HORMAD2: variants seen among roughly 807,000 people sequenced by gnomAD.
HORMAD2 encodes HORMA domain containing 2, also known as HORMA domain-containing protein 2.
HORMAD2 carries 45 observed loss-of-function variants against 38.8 expected under a neutral mutation model. The observed-to-expected ratio is 1.16, with a 90% CI of 0.91 to 1.49. HORMAD2 has a LOEUF of 1.49. Ranked by LOEUF, HORMAD2 falls within the 40% of genes most tolerant of loss-of-function variation. The pLI, the probability that HORMAD2 is intolerant of heterozygous loss-of-function variation, is 0.00. For missense variants in HORMAD2, 338 were observed against 367.0 expected, an observed-to-expected ratio of 0.92 and a Z score of 0.65; for synonymous variants, 126 against 122.8, an observed-to-expected ratio of 1.03 and a Z score of -0.17.
intron 10 of HORMAD2, among the ~76,000 whole-genome samples, chr22:30,174,692 T>G (rs113456114): frequency 1.3e-5 from 2 of 152,170 alleles, no homozygotes; most frequent in South Asian, 2.1e-4. Flanking sequence ...CCAGATTTGA[T>G]AGAAGTGAGG....
At position 30,096,332 on chromosome 22, in the gene HORMAD2, T is replaced by G. The variant is rs563917686; in HGVS notation, c.51+2329T>G. 8.5e-5 allele frequency among the ~76,000 whole-genome samples: 13 copies of G among 152,324 alleles called. 1 individual carries two copies. In the South Asian group the frequency reaches 2.7e-3, roughly 32 times the overall value. On this transcript the variant is annotated intron_variant, in intron 2 of 10. Transcript: ENST00000336726. ...ATATAAGTCATAGGATATGTGTATATTTAGCTTTATTATATACTGCCAAGC... is the reference window on the plus strand; with the variant it reads ...ATATAAGTCATAGGATATGTGTATAGTTAGCTTTATTATATACTGCCAAGC...
chr22:30,201,637 C>T, the HORMAD2 span, among the ~76,000 whole-genome samples: 6 of 151,964 alleles, frequency 3.9e-5, 1 homozygote, highest in African/African-American at 1.2e-4. Context: ...AGGATGGTCT[C>T]GATCTCCTGA....
chr22:30,103,593 A>G, intron 4 of HORMAD2, 93 bp downstream of exon 4: 1 of 590,622 alleles, frequency 1.7e-6, no homozygotes, highest in Non-Finnish European at 3.0e-6. Context: ...ATCATTTTTT[A>G]AAAAACCATT....
chr22:30,122,113 A>G lies in HORMAD2; in HGVS notation c.718A>G (p.Lys240Glu). ...MKVKVMTEATKVIDLENNLFR... is the reference protein window; with the variant it reads ...MKVKVMTEATEVIDLENNLFR... ...AGTAAAAGTCATGACAGAGGCTACA[A>G]AAGTGATTGATTTGGAGAACAATCT... Residue 240 changes from lysine (K) to glutamate (E), a missense_variant, in exon 10 of 11, where the codon AAA becomes GAA. By Grantham distance (56) the Lys-to-Glu change is moderately conservative. Transcript: ENST00000336726. The G allele has an allele frequency of 6.2e-7, 1 of 1,613,822 alleles. No individual in the cohort carries two copies. The highest frequency in any genetic ancestry group is 8.5e-7 in the Non-Finnish European group (1 of 1,179,810).
Position 30,136,999 on chromosome 22 carries a change from T to C in HORMAD2, c.819+14785T>C, listed in dbSNP as rs142359642. ...ATTTGGCAGACCTGTTAGTGTCAAT[T>C]GTAAGAAGTCTTCCATGTGTAATTG... On this transcript the variant is annotated intron_variant, in intron 10 of 10. Transcript: ENST00000336726. 6.7e-5 allele frequency: 32 copies of C among 479,830 alleles called. No individual in the cohort carries two copies. The Middle Eastern group carries it at 9.3e-4, about 14-fold the overall frequency. 29.7% of individuals were successfully genotyped at this position (479,830 alleles called of 1,614,324 possible). A position where few individuals can be genotyped will look rare whatever the true frequency, so the allele number is the denominator to read the frequency against.
chr22:30,099,553 A>G (rs994721814), intron 3 of HORMAD2, among the ~76,000 whole-genome samples: 13 of 152,080 alleles, frequency 8.5e-5, no homozygotes, highest in Admixed American at 7.9e-4. Context: ...ATTGTCTTAT[A>G]CTACAAGCTG....
chr22:30,144,763 C>T (rs1924308155), intron 10 of HORMAD2, among the ~76,000 whole-genome samples: 2 of 152,044 alleles, frequency 1.3e-5, no homozygotes, highest in African/African-American at 4.8e-5. Context: ...ACTTCCATTT[C>T]ACCAGTGAGG....
the HORMAD2 span, among the ~76,000 whole-genome samples, chr22:30,194,048 C>G: frequency 6.6e-6 from 1 of 152,180 alleles, no homozygotes; most frequent in Non-Finnish European, 1.5e-5. Flanking sequence ...GCTTGGATCA[C>G]TCATCTCACT....
At chr22:30,128,509 G>T (rs1249761718) in intron 10 of HORMAD2, among the ~76,000 whole-genome samples, 2 of 152,108 alleles carry the variant, frequency 1.3e-5, no homozygotes, top group South Asian at 2.1e-4. Flanking sequence ...GTTAATTCTT[G>T]ATTTTGCTAT....
At chr22:30,088,157 A>G (rs533903398) in intron 1 of HORMAD2, among the ~76,000 whole-genome samples, 7 of 139,638 alleles carry the variant, frequency 5.0e-5, no homozygotes, top group African/African-American at 1.9e-4. Context: ...ATATGTATAC[A>G]CGTATACCTA....
chr22:30,152,675 T>A (rs1398164469), intron 10 of HORMAD2, among the ~76,000 whole-genome samples: 1 of 152,174 alleles, frequency 6.6e-6, no homozygotes, highest in African/African-American at 2.4e-5. Context: ...AAAACAGTCC[T>A]TCTTATTTCT....
intron 10 of HORMAD2, among the ~76,000 whole-genome samples, chr22:30,160,631 G>A (rs865791569): frequency 6.6e-6 from 1 of 152,122 alleles, no homozygotes; most frequent in Admixed American, 6.5e-5. Context: ...GGATAGCAGG[G>A]AAAGTTTCAC....
the HORMAD2 span, among the ~76,000 whole-genome samples, chr22:30,203,263 C>T: frequency 6.6e-6 from 1 of 151,888 alleles, no homozygotes; most frequent in African/African-American, 2.4e-5. Context: ...GGAGTGGCGG[C>T]GCATGCCTGT....
chr22:30,099,551 A>G (rs1329774648), intron 3 of HORMAD2, among the ~76,000 whole-genome samples: 3 of 152,120 alleles, frequency 2.0e-5, no homozygotes, highest in Admixed American at 2.0e-4. Flanking sequence ...TTATTGTCTT[A>G]TACTACAAGC....
intron 10 of HORMAD2, among the ~76,000 whole-genome samples, chr22:30,132,877 A>G (rs1923383545): frequency 6.6e-6 from 1 of 152,214 alleles, no homozygotes; most frequent in African/African-American, 2.4e-5. Context: ...GTATACTGAT[A>G]TGTATTATAG....
At chr22:30,188,148 G>A in the HORMAD2 span, among the ~76,000 whole-genome samples, 7 of 152,176 alleles carry the variant, frequency 4.6e-5, no homozygotes, top group Admixed American at 2.0e-4. Context: ...AGCCAAGACA[G>A]TAGTGGTCAT....
intron 1 of HORMAD2, among the ~76,000 whole-genome samples, chr22:30,089,610 CAAA>C (rs2068646473): frequency 6.6e-6 from 1 of 152,180 alleles, no homozygotes; most frequent in Non-Finnish European, 1.5e-5. Flanking sequence ...CTTGGCCTCC[CAAA>C]GTCCTGGGAT....
At chr22:30,092,043 A>ATT (rs34639591) in intron 1 of HORMAD2, among the ~76,000 whole-genome samples, 3,249 of 135,024 alleles carry the variant, frequency 0.024, 103 homozygotes, top group East Asian at 0.14. Flanking sequence ...CACCTGGCTA[A>ATT]TTTTTTTTTT....
chr22:30,195,064 G>A, the HORMAD2 span, among the ~76,000 whole-genome samples: 4 of 151,876 alleles, frequency 2.6e-5, no homozygotes, highest in African/African-American at 9.7e-5. Context: ...ATGGTGGCAC[G>A]TGCCTGTAGT....
Sources: allele counts gnomAD v4.1 joint callset (sites outside exome capture counted in the v4.1 genomes callset), GRCh38; gene constraint gnomAD v4.1.1; transcripts MANE v1.5; gene names NCBI Gene and HGNC (gene_info 2026-07-23, HGNC 2026-07-21).